Variants in GLIS3 observed in about 807,000 individuals in gnomAD.
GLIS3 encodes the protein zinc finger protein GLIS3.
A neutral mutation model predicts 78.6 loss-of-function variants in GLIS3; 53 were observed. The ratio of observed to expected loss-of-function variants is 0.67; its 90% CI spans 0.54 to 0.85. GLIS3 has a LOEUF of 0.85. Ranked by LOEUF, GLIS3 falls within the 40% of genes least tolerant of loss-of-function variation. The pLI is 0.00. For synonymous variants in GLIS3, 684 were observed against 509.9 expected, an observed-to-expected ratio of 1.34 and a Z score of -4.60; for missense variants, 1,703 against 1,231.1, an observed-to-expected ratio of 1.38 and a Z score of -5.74.
At chr9:4,156,107 T>C (rs1835024072) in intron 2 of GLIS3, among the ~76,000 whole-genome samples, 1 of 151,828 alleles carries the variant, frequency 6.6e-6, no homozygotes, top group African/African-American at 2.4e-5. Flanking sequence ...AAAAAAAAAA[T>C]CACCTCTTGT....
intron 7 of GLIS3, among the ~76,000 whole-genome samples, chr9:3,896,989 G>A (rs1001847524): frequency 2.0e-5 from 3 of 152,160 alleles, no homozygotes; most frequent in African/African-American, 7.2e-5. Flanking sequence ...ATTTCAAGCT[G>A]AACCTTAAAA....
chr9:4,210,877 C>G lies in GLIS3; in HGVS notation c.388+75161G>C, dbSNP rs1467521168. ...GGAATGTCTGCCATTTTCCTTCTTC[C>G]AAGGTAAATTCCACACACCCCTACC... On this transcript the variant is annotated intron_variant, in intron 2 of 10. Transcript: ENST00000381971. Among the ~76,000 whole-genome samples the G allele has an allele frequency of 1.3e-5, 2 of 152,212 alleles. 1 individual carries two copies. The highest frequency in any genetic ancestry group is 4.8e-5 in the African/African-American group (2 of 41,448).
At chr9:3,986,715 G>C (rs563256225) in intron 4 of GLIS3, among the ~76,000 whole-genome samples, 67 of 152,352 alleles carry the variant, frequency 4.4e-4, no homozygotes, top group African/African-American at 1.6e-3. Flanking sequence ...GCAGGGACCA[G>C]TGGAAGCCCC....
intron 4 of GLIS3, among the ~76,000 whole-genome samples, chr9:3,967,028 AAAAAACAAAAAAAC>A (rs1818000385): frequency 7.0e-6 from 1 of 141,998 alleles, no homozygotes. Context: ...AAAAAAAAAA[AAAAAACAAAAAAAC>A]ATTTTGAGGA....
At chr9:4,439,888 G>T in the GLIS3 span, among the ~76,000 whole-genome samples, 1 of 152,142 alleles carries the variant, frequency 6.6e-6, no homozygotes, top group Admixed American at 6.5e-5. Flanking sequence ...TCACCCTGTT[G>T]CCCAGGCTGG....
At chr9:4,196,501 A>G (rs1367516110) in intron 2 of GLIS3, among the ~76,000 whole-genome samples, 1 of 152,116 alleles carries the variant, frequency 6.6e-6, no homozygotes, top group African/African-American at 2.4e-5. Flanking sequence ...TGTAACCCTC[A>G]CCATAAAGTT....
intron 2 of GLIS3, among the ~76,000 whole-genome samples, chr9:4,273,431 C>T (rs951480254): frequency 4.0e-5 from 6 of 151,892 alleles, no homozygotes; most frequent in Non-Finnish European, 8.8e-5. Flanking sequence ...CCCATCTCCA[C>T]AGAAAAATAA....
intron 4 of GLIS3, among the ~76,000 whole-genome samples, chr9:4,032,932 C>A (rs998686762): frequency 2.0e-5 from 3 of 151,788 alleles, no homozygotes; most frequent in African/African-American, 4.9e-5. Context: ...CGGCTCACTG[C>A]AAGCTCCGCC....
At chr9:4,308,528 CT>C (rs1311312190) in intron 4 of GLIS3, among the ~76,000 whole-genome samples, 3 of 152,128 alleles carry the variant, frequency 2.0e-5, no homozygotes, top group Non-Finnish European at 4.4e-5. Context: ...CTCCTCCCTC[CT>C]CCCTGAGATC....
chr9:4,408,413 G>A, the GLIS3 span, among the ~76,000 whole-genome samples: 79 of 144,572 alleles, frequency 5.5e-4, no homozygotes, highest in Admixed American at 3.5e-3. Context: ...GGAAGGTGGG[G>A]ATGGTTAATG....
chr9:4,001,199 T>C (rs1242886280), intron 4 of GLIS3, among the ~76,000 whole-genome samples: 4 of 152,216 alleles, frequency 2.6e-5, no homozygotes, highest in African/African-American at 4.8e-5. Context: ...ACTTAAATTA[T>C]ATCTGACGAA....
intron 2 of GLIS3, among the ~76,000 whole-genome samples, chr9:4,339,223 A>T (rs1817798988): frequency 6.6e-6 from 1 of 152,166 alleles, no homozygotes; most frequent in Admixed American, 6.5e-5. Flanking sequence ...GTCCTCAATG[A>T]CTGGATTTGT....
At chr9:4,390,578 C>T in the GLIS3 span, among the ~76,000 whole-genome samples, 1 of 152,152 alleles carries the variant, frequency 6.6e-6, no homozygotes, top group Non-Finnish European at 1.5e-5. Context: ...TACGCTTATA[C>T]CCATGGGAGT....
chr9:4,129,582 C>G (rs900337426), intron 2 of GLIS3, among the ~76,000 whole-genome samples: 1 of 152,192 alleles, frequency 6.6e-6, no homozygotes, highest in African/African-American at 2.4e-5. Flanking sequence ...CCATGTAACA[C>G]ATGCCTGTTT....
chr9:4,118,834 G>A lies in GLIS3; in HGVS notation c.644C>T (p.Thr215Met), dbSNP rs778631653. Reference protein sequence around the residue: ...ESLASTTLSLTESQSASSMKQ... With the variant: ...ESLASTTLSLMESQSASSMKQ... ...CATGCTTGAGGCCGACTGACTTTCCGTCAGACTCAAGGTCGTGGACGCCAA... is the reference window on the plus strand; with the variant it reads ...CATGCTTGAGGCCGACTGACTTTCCATCAGACTCAAGGTCGTGGACGCCAA... The change falls in exon 4 of 11, where the codon ACG becomes ATG. Residue 215 changes from threonine to methionine, a missense_variant. Coordinates refer to ENST00000381971, the MANE Select transcript of GLIS3 (RefSeq NM_001042413.2). The surrounding 1 kb of genome is among the most constrained non-coding windows in gnomAD (Gnocchi z 4.7). 9 of 1,605,654 alleles carry A rather than the reference G, an allele frequency of 5.6e-6. No individual in the cohort carries two copies. The highest frequency in any genetic ancestry group is 7.6e-6 in the Non-Finnish European group (9 of 1,179,974).
chr9:4,308,541 C>T (rs950267578), intron 4 of GLIS3, among the ~76,000 whole-genome samples: 1 of 152,056 alleles, frequency 6.6e-6, no homozygotes, highest in African/African-American at 2.4e-5. Context: ...CCTGAGATCT[C>T]CCCCAGCCTT....
the GLIS3 span, among the ~76,000 whole-genome samples, chr9:4,469,452 C>A: frequency 6.6e-6 from 1 of 152,162 alleles, no homozygotes; most frequent in African/African-American, 2.4e-5. Context: ...GACCACAGTG[C>A]AATCAAACTA....
At position 4,248,770 on chromosome 9, in the gene GLIS3, T is replaced by C. The variant is rs544241559; in HGVS notation, c.388+37268A>G. On this transcript the variant is annotated intron_variant, in intron 2 of 10. Coordinates refer to ENST00000381971, the MANE Select transcript of GLIS3 (RefSeq NM_001042413.2). ...CATCTGTTGTTTCCTGACTTTTTAATGACCGCCATTCCAACTGGCATGAGA... is the reference window on the plus strand; with the variant it reads ...CATCTGTTGTTTCCTGACTTTTTAACGACCGCCATTCCAACTGGCATGAGA... Among the ~76,000 whole-genome samples, 102 of 152,358 alleles carry C rather than the reference T, an allele frequency of 6.7e-4. 1 individual carries two copies. The highest frequency in any genetic ancestry group is 2.1e-3 in the Admixed American group (32 of 15,296).
At chr9:3,973,309 A>T (rs1277744750) in intron 4 of GLIS3, among the ~76,000 whole-genome samples, 2 of 152,100 alleles carry the variant, frequency 1.3e-5, no homozygotes, top group African/African-American at 4.8e-5. Flanking sequence ...ATCATTGATT[A>T]ATTGTTTATG....
Sources: allele counts gnomAD v4.1 joint callset (sites outside exome capture counted in the v4.1 genomes callset), GRCh38; gene constraint gnomAD v4.1.1; non-coding constraint Gnocchi (gnomAD v3.1); transcripts MANE v1.5; gene names NCBI Gene and HGNC (gene_info 2026-07-23, HGNC 2026-07-21).